The following GOLM2 variants were observed in gnomAD, a reference collection of about 807,000 sequenced individuals.
GOLM2 encodes the protein golgi membrane protein 2.
In GOLM2, 26 loss-of-function variants were observed where a neutral mutation model predicts 55.9. That is an observed-to-expected ratio of 0.47 (90% CI 0.34 to 0.65). GOLM2 has a LOEUF of 0.65. Among genes scored for constraint, GOLM2 ranks in the 30% least tolerant of loss-of-function variants. The pLI is 0.01. For missense variants in GOLM2, 486 were observed against 531.8 expected (o/e 0.91, Z 0.85); for synonymous variants, 165 against 194.6 (o/e 0.85, Z 1.27).
Position 44,288,863 on chromosome 15 carries a change from C to A in GOLM2, c.-167C>A. ...GAGGAGGGGGGCGGGGAGGGACCTG[C>A]GGCTTGCGGCCCCGCCCCCTTCTCC... On this transcript the variant is annotated 5_prime_UTR_variant, in exon 1 of 10. Coordinates refer to ENST00000299957, the MANE Select transcript of GOLM2 (RefSeq NM_138423.4). 1 of 623,562 alleles carries A rather than the reference C, an allele frequency of 1.6e-6. No homozygotes were observed. The highest frequency in any genetic ancestry group is 2.9e-5 in the East Asian group (1 of 34,874). The allele number at this position is 623,562 out of a possible 1,614,324, so 38.6% of individuals were successfully genotyped here. A position where few individuals can be genotyped will look rare whatever the true frequency, so the allele number is the denominator to read the frequency against.
At chr15:44,303,388 G>A (rs1369902431) in intron 1 of GOLM2, among the ~76,000 whole-genome samples, 2 of 151,944 alleles carry the variant, frequency 1.3e-5, no homozygotes, top group Non-Finnish European at 2.9e-5. Flanking sequence ...AGTATACATA[G>A]AATATATCTT....
chr15:44,388,516 A>G (rs376806404), intron 8 of GOLM2, among the ~76,000 whole-genome samples: 1 of 152,120 alleles, frequency 6.6e-6, no homozygotes, highest in East Asian at 1.9e-4. Context: ...TCTACAAAAG[A>G]TACAAAAATT....
At chr15:44,389,379 A>G (rs2079472322) in intron 8 of GOLM2, among the ~76,000 whole-genome samples, 1 of 151,926 alleles carries the variant, frequency 6.6e-6, no homozygotes, top group African/African-American at 2.4e-5. Flanking sequence ...AAAATACAAA[A>G]TTACCCAGGT....
intron 8 of GOLM2, among the ~76,000 whole-genome samples, chr15:44,391,311 G>A (rs1190255287): frequency 3.3e-5 from 5 of 151,942 alleles, no homozygotes; most frequent in Non-Finnish European, 5.9e-5. Context: ...TCGGGAGATC[G>A]AGACCATCCT....
chr15:44,319,763 A>AT (rs2078936682), intron 1 of GOLM2, among the ~76,000 whole-genome samples: 1 of 151,668 alleles, frequency 6.6e-6, no homozygotes, highest in Admixed American at 6.6e-5. Flanking sequence ...AAGTTTTTGT[A>AT]TTTTTTGTAG....
intron 1 of GOLM2, among the ~76,000 whole-genome samples, chr15:44,294,541 C>T (rs112120058): frequency 1.7e-4 from 26 of 151,866 alleles, no homozygotes; most frequent in African/African-American, 5.3e-4. Flanking sequence ...GGTGAAACTC[C>T]GTCTCTACTA....
intron 1 of GOLM2, among the ~76,000 whole-genome samples, chr15:44,294,603 A>G (rs976652350): frequency 2.0e-5 from 3 of 151,656 alleles, no homozygotes; most frequent in Non-Finnish European, 4.4e-5. Context: ...AGTCCCAGCT[A>G]CTTGGGAGGC....
At chr15:44,298,505 A>G (rs1190689392) in intron 1 of GOLM2, among the ~76,000 whole-genome samples, 2 of 147,530 alleles carry the variant, frequency 1.4e-5, no homozygotes, top group African/African-American at 5.0e-5. Flanking sequence ...CGAACTCCTA[A>G]CCTCAGGTGA....
chr15:44,364,314 A>G (rs534144035), intron 6 of GOLM2, among the ~76,000 whole-genome samples: 29 of 152,032 alleles, frequency 1.9e-4, no homozygotes, highest in African/African-American at 7.0e-4. Flanking sequence ...GCTTGAGCCT[A>G]GGAGTTTGAG....
chr15:44,414,029 T>C lies in GOLM2; in HGVS notation c.*623T>C, dbSNP rs921862452. ...TAATTGTATATTTAATAAAGACGGG[T>C]TTCACCATGTTGGCCAGGCTGGTCT... On this transcript the variant is annotated 3_prime_UTR_variant, in exon 10 of 10. Transcript: ENST00000299957. The C allele has an allele frequency of 2.0e-5, 3 of 152,226 alleles. No individual in the cohort carries two copies. Among genetic ancestry groups the C allele is most frequent in the African/African-American group, 7.2e-5 (3 of 41,452 alleles). The allele number at this position is 152,226 out of a possible 1,614,324, so 9.4% of individuals were successfully genotyped here. A position where few individuals can be genotyped will look rare whatever the true frequency, so the allele number is the denominator to read the frequency against.
chr15:44,382,210 G>A (rs2079407899), intron 8 of GOLM2: 1 of 151,958 alleles, frequency 6.6e-6, no homozygotes, highest in African/African-American at 2.4e-5. Context: ...TTGGGTTGGG[G>A]GATTGGCCTG....
chr15:44,338,203 A>G (rs2079069865), intron 5 of GOLM2, 34 bp from the exon 6 acceptor site: 1 of 1,582,528 alleles, frequency 6.3e-7, no homozygotes, highest in Non-Finnish European at 8.6e-7. Context: ...TGTAAGAAAA[A>G]CGATAGAATT....
chr15:44,319,267 G>T (rs962750768), intron 1 of GOLM2, among the ~76,000 whole-genome samples: 4 of 152,140 alleles, frequency 2.6e-5, no homozygotes, highest in Admixed American at 2.6e-4. Flanking sequence ...AGACTGAAGT[G>T]CAGTGGCTTG....
intron 8 of GOLM2, 37 bp downstream of exon 8, chr15:44,381,013 T>G: frequency 1.5e-6 from 2 of 1,340,066 alleles, no homozygotes; most frequent in Non-Finnish European, 2.0e-6. Context: ...CTAAAAATAT[T>G]TCTTTAAATG....
At chr15:44,398,157 C>G (rs192346089) in intron 8 of GOLM2, among the ~76,000 whole-genome samples, 74 of 152,324 alleles carry the variant, frequency 4.9e-4, no homozygotes, top group Non-Finnish European at 1.5e-4. Flanking sequence ...CAAAAGGAAG[C>G]CAACTGAAGC....
intron 8 of GOLM2, among the ~76,000 whole-genome samples, chr15:44,398,087 C>T (rs2079539479): frequency 6.6e-6 from 1 of 152,164 alleles, no homozygotes; most frequent in African/African-American, 2.4e-5. Context: ...TCTCAGGGAG[C>T]TTAAAAGAAA....
chr15:44,323,115 C>A, intron 2 of GOLM2, 96 bp downstream of exon 2: 1 of 786,448 alleles, frequency 1.3e-6, no homozygotes, highest in Non-Finnish European at 2.0e-6. Context: ...TAGTGAAATA[C>A]AATTTTCTGA....
At chr15:44,362,990 A>T (rs950149015) in intron 6 of GOLM2, among the ~76,000 whole-genome samples, 3 of 152,210 alleles carry the variant, frequency 2.0e-5, no homozygotes, top group Non-Finnish European at 4.4e-5. Context: ...GGCTAGCCAT[A>T]TGTAGAAAGC....
intron 8 of GOLM2, among the ~76,000 whole-genome samples, chr15:44,384,499 C>T (rs1340388539): frequency 6.6e-6 from 1 of 152,040 alleles, no homozygotes; most frequent in Non-Finnish European, 1.5e-5. Flanking sequence ...GTAATCCCAG[C>T]ACTTTGGGAG....
Sources: gnomAD v4.1 joint callset for allele counts (sites outside exome capture counted in the v4.1 genomes callset) on GRCh38, gnomAD v4.1.1 for gene constraint, MANE v1.5 for transcripts, NCBI Gene and HGNC (gene_info 2026-07-23, HGNC 2026-07-21) for gene names.